CCL14: variants seen among roughly 807,000 people sequenced by gnomAD.
CCL14 encodes the protein C-C motif chemokine ligand 14.
In CCL14, 8 loss-of-function variants were observed where a neutral mutation model predicts 8.2. The ratio of observed to expected loss-of-function variants is 0.98; its 90% CI spans 0.57 to 1.76. The LOEUF (loss-of-function observed/expected upper bound fraction) is 1.76, where lower values mean the gene tolerates loss of function less well. CCL14 is among the 40% of genes most tolerant of loss of function. The pLI, the probability that CCL14 is intolerant of heterozygous loss-of-function variation, is 0.00. For synonymous variants in CCL14, 50 were observed against 43.2 expected, an observed-to-expected ratio of 1.16 and a Z score of -0.62; for missense variants, 127 against 118.3, an observed-to-expected ratio of 1.07 and a Z score of -0.34.
chr17:35,986,590 G>T lies in CCL14; in HGVS notation c.60C>A (p.Thr20=). ...ACTCACGTGAGGAGGATTCAGTCTT[G>T]GTCCCTAGGGCGATGGTGATGAGGA... The part of the protein sequence containing the change: ...FFLLITIALG[T]KTESSSRGPY... Residue 20 remains threonine, a synonymous_variant, in exon 1 of 3, where the codon ACC becomes ACA. Coordinates refer to ENST00000618404, the MANE Select transcript of CCL14 (RefSeq NM_032963.4). 3 of 1,613,742 alleles carry T rather than the reference G, an allele frequency of 1.9e-6. No homozygotes were observed. Among genetic ancestry groups the T allele is most frequent in the Middle Eastern group, 1.7e-4 (1 of 6,014 alleles).
chr17:35,985,048 T>C (rs1288373039), intron 1 of CCL14: 1 of 158,340 alleles, frequency 6.3e-6, no homozygotes, highest in Non-Finnish European at 1.4e-5. Flanking sequence ...TTGCCTGTGC[T>C]TCCTGTGTAC....
rs1452849815 is a variant in CCL14 at position 35,986,558 on chromosome 17, G to C, written c.79+13C>G. 5.6e-6 allele frequency: 9 copies of C among 1,605,550 alleles called. No individual in the cohort carries two copies. The highest frequency in any genetic ancestry group is 1.3e-5 in the African/African-American group (1 of 74,766). On this transcript the variant is annotated intron_variant, in intron 1 of 2. Coordinates refer to ENST00000618404, the MANE Select transcript of CCL14 (RefSeq NM_032963.4). ...GGCTCTAGGTTGGAAGGAAGACAAG[G>C]CATTGCACTCACGTGAGGAGGATTC...
At position 35,985,710 on chromosome 17, in the gene CCL14, A is replaced by G. The variant is rs756791003; in HGVS notation, c.79+861T>C. On this transcript the variant is annotated intron_variant, in intron 1 of 2. Transcript: ENST00000618404. ...CCCACCTTGTTCCTCTGAGCTGACAAATGACATCGGAGAGGGCAAGTCAAA... is the reference window on the plus strand; with the variant it reads ...CCCACCTTGTTCCTCTGAGCTGACAGATGACATCGGAGAGGGCAAGTCAAA... 1.2e-5 allele frequency: 18 copies of G among 1,533,038 alleles called. No individual in the cohort carries two copies. In the South Asian group the frequency reaches 1.6e-4, roughly 13 times the overall value. 95.0% of individuals were successfully genotyped at this position (1,533,038 alleles called of 1,614,324 possible). A position where few individuals can be genotyped will look rare whatever the true frequency, so the allele number is the denominator to read the frequency against.
chr17:35,986,383 A>G (rs1308696578), intron 1 of CCL14, 188 bp downstream of exon 1: 1 of 597,332 alleles, frequency 1.7e-6, no homozygotes, highest in Non-Finnish European at 3.0e-6. Flanking sequence ...TCACCACACC[A>G]TGGGGTGAAG....
intron 2 of CCL14, among the ~76,000 whole-genome samples, chr17:35,984,106 T>C (rs925894804): frequency 6.6e-6 from 1 of 152,096 alleles, no homozygotes; most frequent in Admixed American, 6.5e-5. Flanking sequence ...GGAAGTGCCC[T>C]CTTGCCTTCT....
rs748305457 is a variant in CCL14, at chr17:35,983,753, T to C, written c.*48A>G. The C allele has an allele frequency of 1.7e-5, 24 of 1,380,052 alleles. No homozygotes were observed. The highest frequency in any genetic ancestry group is 7.1e-5 in the African/African-American group (5 of 70,414). The allele number at this position is 1,380,052 out of a possible 1,614,324, so 85.5% of individuals were successfully genotyped here. A position where few individuals can be genotyped will look rare whatever the true frequency, so the allele number is the denominator to read the frequency against. On this transcript the variant is annotated 3_prime_UTR_variant, in exon 3 of 3. Transcript: ENST00000618404. The stretch of plus-strand genomic sequence containing the variant: ...GGGTGGAGGAGGGGGCCTTGGCATC[T>C]TCTCTTTATGTCTCTGAGCTGTGCC...
At chr17:35,986,176 TG>T (rs1401978840) in intron 1 of CCL14, 2 of 348,150 alleles carry the variant, frequency 5.7e-6, no homozygotes, top group East Asian at 5.7e-5. Flanking sequence ...GGACTGGTCC[TG>T]GGGGGCAATG....
chr17:35,984,866 C>A (rs2089737582), intron 1 of CCL14: 1 of 355,040 alleles, frequency 2.8e-6, no homozygotes, highest in Non-Finnish European at 5.0e-6. Context: ...TGGAAGAAAT[C>A]CCAATAGGGA....
At position 35,984,416 on chromosome 17, in the gene CCL14, T is replaced by C; in HGVS notation, c.116A>G (p.Tyr39Cys). 6.2e-7 allele frequency: 1 copy of C among 1,613,420 alleles called. No homozygotes were observed. Among genetic ancestry groups the C allele is most frequent in the Non-Finnish European group, 8.5e-7 (1 of 1,179,822 alleles). Residue 39 changes from tyrosine (Y) to cysteine (C), a missense_variant, in exon 2 of 3, where the codon TAC (tyrosine) becomes TGC (cysteine). Physicochemically the swap from Tyr to Cys is radical, Grantham distance 194. Transcript: ENST00000618404. ...PYHPSECCFT[Y>C]TTYKIPRQRI... ...CTGACGCGGGATCTTGTAGGTAGTGTAGGTGAAGCAGCACTCTGAGGGGTG... is the reference window on the plus strand; with the variant it reads ...CTGACGCGGGATCTTGTAGGTAGTGCAGGTGAAGCAGCACTCTGAGGGGTG...
chr17:35,984,481 G>A, intron 1 of CCL14, 29 bp from the exon 2 acceptor site: 3 of 1,508,094 alleles, frequency 2.0e-6, no homozygotes, highest in Non-Finnish European at 2.8e-6. Flanking sequence ...ATGCTGAGGA[G>A]GGGCCCCTTG....
chr17:35,984,755 C>T (rs1026049914), intron 1 of CCL14: 4 of 503,728 alleles, frequency 7.9e-6, no homozygotes, highest in African/African-American at 5.7e-5. Context: ...CTTCTTACAC[C>T]ATCTCTGGGG....
At position 35,983,850 on chromosome 17, in the gene CCL14, G is replaced by C; in HGVS notation, c.233C>G (p.Pro78Arg). The C allele has an allele frequency of 2.5e-6, 4 of 1,614,102 alleles. No homozygotes were observed. The highest frequency in any genetic ancestry group is 3.4e-6 in the Non-Finnish European group (4 of 1,179,968). ...TKRGHSVCTN[P>R]SDKWVQDYIK... ...ATAGTCCTGGACCCACTTGTCACTGGGGTTGGTACAGACGGAATGGCCCCT... is the reference window on the plus strand; with the variant it reads ...ATAGTCCTGGACCCACTTGTCACTGCGGTTGGTACAGACGGAATGGCCCCT... Residue 78 changes from proline to arginine, a missense_variant, in exon 3 of 3, where the codon CCC becomes CGC. Coordinates refer to ENST00000618404, the MANE Select transcript of CCL14 (RefSeq NM_032963.4).
At position 35,986,563 on chromosome 17, in the gene CCL14, G is replaced by T. The variant is rs183367107; in HGVS notation, c.79+8C>A. ...TAGGTTGGAAGGAAGACAAGGCATT[G>T]CACTCACGTGAGGAGGATTCAGTCT... On this transcript the variant is annotated splice_region_variant and intron_variant, in intron 1 of 2. Transcript: ENST00000618404. 5 of 1,609,142 alleles carry T rather than the reference G, an allele frequency of 3.1e-6. No homozygotes were observed. The highest frequency in any genetic ancestry group is 3.3e-5 in the Admixed American group (2 of 60,008).
intron 1 of CCL14, 190 bp downstream of exon 1, chr17:35,986,381 C>G (rs1202392265): frequency 1.7e-6 from 1 of 596,762 alleles, no homozygotes; most frequent in Non-Finnish European, 3.0e-6. Context: ...GCTCACCACA[C>G]CATGGGGTGA....
At chr17:35,986,092 T>A (rs2089763012) in intron 1 of CCL14, 2 of 445,082 alleles carry the variant, frequency 4.5e-6, no homozygotes, top group Non-Finnish European at 7.9e-6. Flanking sequence ...CTCTTTTGCT[T>A]AGCGGCAAAG....
chr17:35,984,523 G>A, intron 1 of CCL14, 71 bp from the exon 2 acceptor site: 1 of 957,554 alleles, frequency 1.0e-6, no homozygotes, highest in African/African-American at 1.6e-5. Context: ...GCTCCTGCAA[G>A]CTGAGGGCAT....
At chr17:35,986,440 A>C (rs2089771137) in intron 1 of CCL14, 131 bp downstream of exon 1, 3 of 685,220 alleles carry the variant, frequency 4.4e-6, no homozygotes, top group Non-Finnish European at 7.9e-6. Context: ...GTTGCTATAC[A>C]CACAATTTCA....
In CCL14 at chr17:35,983,453, G is replaced by A. The variant is rs2141991931; in HGVS notation, c.*348C>T. The stretch of plus-strand genomic sequence containing the variant: ...TAAGAAAACGGGGTCTGCTACTGTT[G>A]TTGCTGAGGAGGAGACGGTCTTTAC... On this transcript the variant is annotated 3_prime_UTR_variant, in exon 3 of 3. Coordinates refer to ENST00000618404, the MANE Select transcript of CCL14 (RefSeq NM_032963.4). 3.9e-6 allele frequency: 1 copy of A among 256,432 alleles called. No individual in the cohort carries two copies. The highest frequency in any genetic ancestry group is 7.4e-6 in the Non-Finnish European group (1 of 134,506). The allele number at this position is 256,432 out of a possible 1,614,324, so 15.9% of individuals were successfully genotyped here. A position where few individuals can be genotyped will look rare whatever the true frequency, so the allele number is the denominator to read the frequency against.
chr17:35,984,632 C>T, intron 1 of CCL14, 180 bp from the exon 2 acceptor site: 2 of 597,854 alleles, frequency 3.3e-6, no homozygotes, highest in South Asian at 4.1e-5. Flanking sequence ...CTCCTGGGCT[C>T]TTCTTTTTCT....
Sources: allele counts gnomAD v4.1 joint callset (sites outside exome capture counted in the v4.1 genomes callset), GRCh38; gene constraint gnomAD v4.1.1; transcripts MANE v1.5; gene names NCBI Gene and HGNC (gene_info 2026-07-23, HGNC 2026-07-21).